MYRIP: variants seen among roughly 807,000 people sequenced by gnomAD.
MYRIP encodes rab effector MyRIP.
MYRIP carries 49 observed loss-of-function variants against 98.0 expected under a neutral mutation model. That is an observed-to-expected ratio of 0.50 (90% CI 0.40 to 0.63). The LOEUF (loss-of-function observed/expected upper bound fraction) is 0.63. MYRIP is among the 30% of genes least tolerant of loss of function. The pLI is 0.00. For synonymous variants in MYRIP, 404 were observed against 409.5 expected, an observed-to-expected ratio of 0.99 and a Z score of 0.16; for missense variants, 1,004 against 1,058.2, an observed-to-expected ratio of 0.95 and a Z score of 0.71.
chr3:39,881,458 G>A (rs1332124606), intron 1 of MYRIP, among the ~76,000 whole-genome samples: 2 of 152,114 alleles, frequency 1.3e-5, no homozygotes, highest in African/African-American at 4.8e-5. Flanking sequence ...TCATTTAAAC[G>A]TATCAGTTTT....
chr3:39,947,485 T>C (rs1207305756), intron 2 of MYRIP, among the ~76,000 whole-genome samples: 1 of 152,084 alleles, frequency 6.6e-6, no homozygotes, highest in Non-Finnish European at 1.5e-5. Context: ...TTTTAGAACA[T>C]TGAGGAGATA....
intron 2 of MYRIP, among the ~76,000 whole-genome samples, chr3:39,936,234 G>A (rs1944653537): frequency 1.3e-5 from 2 of 152,188 alleles, no homozygotes; most frequent in South Asian, 4.1e-4. Flanking sequence ...AGAAATTTAT[G>A]ACTTTGGGAT....
intron 2 of MYRIP, among the ~76,000 whole-genome samples, chr3:39,933,082 A>G (rs12634992): frequency 0.25 from 37,317 of 152,180 alleles, 5,376 homozygotes; most frequent in Middle Eastern, 0.37. Flanking sequence ...CAAAAGTCTC[A>G]TGCATTATGA....
intron 2 of MYRIP, among the ~76,000 whole-genome samples, chr3:39,922,332 A>G (rs938317008): frequency 1.3e-5 from 2 of 152,188 alleles, no homozygotes; most frequent in African/African-American, 4.8e-5. Context: ...GACACAGAAA[A>G]AAATCTGTGG....
At chr3:39,848,887 G>C (rs1461446989) in intron 1 of MYRIP, among the ~76,000 whole-genome samples, 1 of 152,020 alleles carries the variant, frequency 6.6e-6, no homozygotes, top group Non-Finnish European at 1.5e-5. Context: ...ATATCTCTGT[G>C]GTAAGGAGGA....
intron 4 of MYRIP, among the ~76,000 whole-genome samples, chr3:40,158,555 G>A (rs556516998): frequency 2.6e-3 from 391 of 152,166 alleles, no homozygotes; most frequent in African/African-American, 9.0e-3. Context: ...TATCCTTGTT[G>A]ACTTCCTGTC....
intron 3 of MYRIP, among the ~76,000 whole-genome samples, chr3:40,087,715 C>T (rs9838815): frequency 0.55 from 83,362 of 151,932 alleles, 22,908 homozygotes; most frequent in Admixed American, 0.59. Flanking sequence ...GAATACAGAG[C>T]TGGGAAAAAA....
At chr3:39,990,017 G>A (rs957731533) in intron 2 of MYRIP, among the ~76,000 whole-genome samples, 6 of 152,226 alleles carry the variant, frequency 3.9e-5, no homozygotes, top group African/African-American at 1.2e-4. Flanking sequence ...AACTGCAGCT[G>A]TGGTGCTGAT....
At position 40,055,599 on chromosome 3, in the gene MYRIP, C is replaced by G. The variant is rs564891157; in HGVS notation, c.332+11328C>G. 1.4e-3 allele frequency among the ~76,000 whole-genome samples: 211 copies of G among 152,308 alleles called. 1 individual carries two copies. The highest frequency in any genetic ancestry group is 5.0e-3 in the African/African-American group (208 of 41,580). ...CTGGAGGAAGAATATGCCCACCTCT[C>G]TGGTTTGCTTCTCATCACTCAGCCA... On this transcript the variant is annotated intron_variant, in intron 3 of 16. Transcript: ENST00000302541.
chr3:40,078,867 G>A (rs1485783492), intron 3 of MYRIP, among the ~76,000 whole-genome samples: 1 of 152,202 alleles, frequency 6.6e-6, no homozygotes, highest in Non-Finnish European at 1.5e-5. Context: ...GGAGTGCTGG[G>A]ACTTCCACCT....
At chr3:40,100,032 G>A (rs1948914772) in intron 3 of MYRIP, 1 of 985,202 alleles carries the variant, frequency 1.0e-6, no homozygotes, top group Non-Finnish European at 1.2e-6. Flanking sequence ...GTAGCACTGT[G>A]CTGTTCCTTC....
intron 8 of MYRIP, among the ~76,000 whole-genome samples, chr3:40,175,384 C>T (rs1378436825): frequency 6.6e-6 from 1 of 152,198 alleles, no homozygotes; most frequent in African/African-American, 2.4e-5. Flanking sequence ...CTGGCCAACT[C>T]AGGAAGATGA....
intron 11 of MYRIP, among the ~76,000 whole-genome samples, chr3:40,229,047 GA>G (rs1214867861): frequency 3.3e-5 from 5 of 152,212 alleles, no homozygotes; most frequent in Non-Finnish European, 2.9e-5. Context: ...GCTTAGAAAT[GA>G]ATGATGACAC....
chr3:40,150,181 A>T (rs1400278235), intron 3 of MYRIP, among the ~76,000 whole-genome samples: 8 of 151,824 alleles, frequency 5.3e-5, no homozygotes, highest in Admixed American at 5.3e-4. Context: ...GCCTCCACCT[A>T]CTAGGTTCAA....
chr3:40,024,306 A>T (rs1164232500), intron 2 of MYRIP, among the ~76,000 whole-genome samples: 2 of 152,140 alleles, frequency 1.3e-5, no homozygotes, highest in Non-Finnish European at 2.9e-5. Flanking sequence ...CACTTAACAG[A>T]GTTGTGAAGA....
intron 2 of MYRIP, among the ~76,000 whole-genome samples, chr3:40,004,694 T>G (rs1430169987): frequency 6.6e-6 from 1 of 152,172 alleles, no homozygotes; most frequent in Non-Finnish European, 1.5e-5. Context: ...TGCATCCTCA[T>G]AGCTTAGCTC....
chr3:40,240,351 G>A (rs548841330), intron 12 of MYRIP, among the ~76,000 whole-genome samples: 15 of 152,260 alleles, frequency 9.9e-5, no homozygotes, highest in Admixed American at 2.6e-4. Context: ...TGCAGAAGAC[G>A]GGTGATTTCT....
At chr3:39,835,766 C>G (rs1355606995) in intron 1 of MYRIP, among the ~76,000 whole-genome samples, 1 of 152,072 alleles carries the variant, frequency 6.6e-6, no homozygotes, top group Admixed American at 6.5e-5. Context: ...CCAATAGGCC[C>G]CAGTGTGTGA....
chr3:40,180,683 C>T (rs148800596), intron 8 of MYRIP, among the ~76,000 whole-genome samples: 22 of 152,344 alleles, frequency 1.4e-4, no homozygotes, highest in Non-Finnish European at 3.2e-4. Context: ...GCCCATCATG[C>T]TCTCTCTTCT....
Sources: allele counts gnomAD v4.1 joint callset (sites outside exome capture counted in the v4.1 genomes callset), GRCh38; gene constraint gnomAD v4.1.1; transcripts MANE v1.5; gene names NCBI Gene and HGNC (gene_info 2026-07-23, HGNC 2026-07-21).